Variants in USP6NL observed in about 807,000 individuals in gnomAD.
The protein encoded by USP6NL is USP6 N-terminal like.
USP6NL carries 26 observed loss-of-function variants against 61.9 expected under a neutral mutation model. The ratio of observed to expected loss-of-function variants is 0.42; its 90% CI spans 0.31 to 0.58. The LOEUF (loss-of-function observed/expected upper bound fraction) is 0.58. USP6NL is among the 20% of genes least tolerant of loss of function. The probability of loss-of-function intolerance (pLI) is 0.16; values close to 1 mark genes in which losing one functional copy is unlikely to be tolerated. For missense variants in USP6NL, 1,114 were observed against 1,034.3 expected, an observed-to-expected ratio of 1.08 and a Z score of -1.06; for synonymous variants, 432 against 390.1, an observed-to-expected ratio of 1.11 and a Z score of -1.27.
chr10:11,493,010 C>T lies in USP6NL; in HGVS notation c.494+109G>A, dbSNP rs1043315919. The T allele has an allele frequency of 6.6e-6, 6 of 908,044 alleles. No homozygotes were observed. In the African/African-American group the frequency reaches 6.7e-5, roughly 10 times the overall value. The allele number at this position is 908,044 out of a possible 1,614,324, so 56.2% of individuals were successfully genotyped here. A position where few individuals can be genotyped will look rare whatever the true frequency, so the allele number is the denominator to read the frequency against. On this transcript the variant is annotated intron_variant, in intron 8 of 14. Coordinates refer to ENST00000609104, the MANE Select transcript of USP6NL (RefSeq NM_014688.5). ...CGCAAATGATCTGCAAAAGCTTAAACCTTTAGGACCTAAATCGAAATTACA... is the reference window on the plus strand; with the variant it reads ...CGCAAATGATCTGCAAAAGCTTAAATCTTTAGGACCTAAATCGAAATTACA...
At position 11,460,581 on chromosome 10, in the gene USP6NL, T is replaced by C. The variant is rs138038907; in HGVS notation, c.*1860A>G. The C allele has an allele frequency of 9.0e-4, 132 of 146,916 alleles. No individual in the cohort carries two copies. The highest frequency in any genetic ancestry group is 3.2e-3 in the African/African-American group (130 of 40,300). The allele number at this position is 146,916 out of a possible 1,614,324, so 9.1% of individuals were successfully genotyped here. A position where few individuals can be genotyped will look rare whatever the true frequency, so the allele number is the denominator to read the frequency against. ...GTATACAGATAAAAAATGTCATAAA[T>C]GACATAAGAAAATAGTGCTTGTGTG... On this transcript the variant is annotated 3_prime_UTR_variant, in exon 15 of 15. Coordinates refer to ENST00000609104, the MANE Select transcript of USP6NL (RefSeq NM_014688.5).
In USP6NL at chr10:11,532,758, A is replaced by T. The variant is rs2133424912; in HGVS notation, c.5-5191T>A. Among the ~76,000 whole-genome samples the T allele has an allele frequency of 6.6e-6, 1 of 152,368 alleles. No individual in the cohort carries two copies. Among genetic ancestry groups the T allele is most frequent in the South Asian group, 2.1e-4 (1 of 4,824 alleles). On this transcript the variant is annotated intron_variant, in intron 2 of 14. Transcript: ENST00000609104. The surrounding 1 kb of genome is among the most constrained non-coding windows in gnomAD (Gnocchi z 4.1). ...TTATATCTTAATGTAATTTTTAATAATAATTCTTAATGTGAAAATTGTAGC... is the reference window on the plus strand; with the variant it reads ...TTATATCTTAATGTAATTTTTAATATTAATTCTTAATGTGAAAATTGTAGC...
At chr10:11,578,214 C>T (rs543264513) in intron 2 of USP6NL, among the ~76,000 whole-genome samples, 1 of 152,304 alleles carries the variant, frequency 6.6e-6, no homozygotes, top group Admixed American at 6.5e-5. Context: ...AGCAATCCGC[C>T]CGCCTCAGCC....
chr10:11,527,237 A>C (rs1451047385), intron 3 of USP6NL, among the ~76,000 whole-genome samples: 4 of 152,204 alleles, frequency 2.6e-5, no homozygotes, highest in Non-Finnish European at 4.4e-5. Flanking sequence ...TATCTGGGAC[A>C]CAAGTGTCCC....
intron 6 of USP6NL, among the ~76,000 whole-genome samples, chr10:11,502,480 ATAAT>A (rs1834243293): frequency 6.6e-6 from 1 of 152,222 alleles, no homozygotes; most frequent in Non-Finnish European, 1.5e-5. Context: ...AAACAGGGAA[ATAAT>A]TAAATAAATT....
At chr10:11,571,337 C>T (rs1837353454) in intron 2 of USP6NL, among the ~76,000 whole-genome samples, 1 of 152,108 alleles carries the variant, frequency 6.6e-6, no homozygotes, top group African/African-American at 2.4e-5. Context: ...CCGCCCACCT[C>T]GGCCTCCCAA....
chr10:11,586,918 A>G (rs993073059), intron 2 of USP6NL, among the ~76,000 whole-genome samples: 19 of 152,136 alleles, frequency 1.2e-4, no homozygotes, highest in African/African-American at 3.4e-4. Flanking sequence ...TCTGTTTAGA[A>G]CACTCTCCTC....
At chr10:11,547,248 T>C (rs987165715) in intron 2 of USP6NL, among the ~76,000 whole-genome samples, 1 of 152,216 alleles carries the variant, frequency 6.6e-6, no homozygotes, top group African/African-American at 2.4e-5. Flanking sequence ...TTGGAGCAGG[T>C]TGGAGTGTTC....
Position 11,596,541 on chromosome 10 carries a change from G to A in USP6NL, c.4+1090C>T, listed in dbSNP as rs949326347. Reference sequence around the variant, plus strand: ...CGGGAGGCTGAGGCAGGAGAATGGCGCGAACCCAGGAGGTGGAGCTTGCAG... The same window carrying A: ...CGGGAGGCTGAGGCAGGAGAATGGCACGAACCCAGGAGGTGGAGCTTGCAG... On this transcript the variant is annotated intron_variant, in intron 2 of 14. Transcript: ENST00000609104. This position sits in a 1 kb window ranked among gnomAD's most constrained non-coding sequence, Gnocchi z 4.1. Among the ~76,000 whole-genome samples, 6 of 151,624 alleles carry A rather than the reference G, an allele frequency of 4.0e-5. No homozygotes were observed. Among genetic ancestry groups the A allele is most frequent in the South Asian group, 2.1e-4 (1 of 4,820 alleles).
chr10:11,592,533 C>A lies in USP6NL; in HGVS notation c.4+5098G>T, dbSNP rs1485413395. Among the ~76,000 whole-genome samples, 3 of 152,174 alleles carry A rather than the reference C, an allele frequency of 2.0e-5. No individual in the cohort carries two copies. Among genetic ancestry groups the A allele is most frequent in the Non-Finnish European group, 4.4e-5 (3 of 68,010 alleles). ...TATTCCCAAATCTAAATTTATCAAA[C>A]ATAAATGAGTCTTAATATAACAAAA... On this transcript the variant is annotated intron_variant, in intron 2 of 14. Coordinates refer to ENST00000609104, the MANE Select transcript of USP6NL (RefSeq NM_014688.5). The surrounding 1 kb of genome is among the most constrained non-coding windows in gnomAD (Gnocchi z 4.7).
At chr10:11,527,666 T>G in intron 2 of USP6NL, 99 bp from the exon 3 acceptor site, 1 of 1,050,132 alleles carries the variant, frequency 9.5e-7, no homozygotes. Flanking sequence ...AAATAAATAC[T>G]GCCTAAAATG....
chr10:11,542,433 T>C (rs1836103018), intron 2 of USP6NL, among the ~76,000 whole-genome samples: 1 of 152,152 alleles, frequency 6.6e-6, no homozygotes, highest in Admixed American at 6.5e-5. Flanking sequence ...AATAGCATGG[T>C]AGAGGCTGGG....
Position 11,487,994 on chromosome 10 carries a change from T to TA in USP6NL, c.664+1107dup, listed in dbSNP as rs1833544138. Among the ~76,000 whole-genome samples, 1 of 151,842 alleles carries TA rather than the reference T, an allele frequency of 6.6e-6. No homozygotes were observed. Among genetic ancestry groups the TA allele is most frequent in the Admixed American group, 6.5e-5 (1 of 15,292 alleles). ...GATCCATTCTTAGAATAACTAGTGT[T>TA]AAAATTATTTTAAATTTGATATTAA... is the stretch of plus-strand genomic sequence containing the variant. On this transcript the variant is annotated intron_variant, in intron 10 of 14. Coordinates refer to ENST00000609104, the MANE Select transcript of USP6NL (RefSeq NM_014688.5). This position sits in a 1 kb window ranked among gnomAD's most constrained non-coding sequence, Gnocchi z 4.2.
In USP6NL at chr10:11,589,605, C is replaced by T. The variant is rs1461359086; in HGVS notation, c.4+8026G>A. The stretch of plus-strand genomic sequence containing the variant: ...TTACCTTGCAAGTACTAGAACATAA[C>T]TAGGTTCACCAGTGAAGAGATCAAA... On this transcript the variant is annotated intron_variant, in intron 2 of 14. Coordinates refer to ENST00000609104, the MANE Select transcript of USP6NL (RefSeq NM_014688.5). This position sits in a 1 kb window ranked among gnomAD's most constrained non-coding sequence, Gnocchi z 4.7. Among the ~76,000 whole-genome samples, 1 of 152,150 alleles carries T rather than the reference C, an allele frequency of 6.6e-6. No individual in the cohort carries two copies. Among genetic ancestry groups the T allele is most frequent in the African/African-American group, 2.4e-5 (1 of 41,428 alleles).
At chr10:11,557,291 G>T (rs1836743469) in intron 2 of USP6NL, among the ~76,000 whole-genome samples, 4 of 152,038 alleles carry the variant, frequency 2.6e-5, no homozygotes, top group Admixed American at 2.0e-4. Flanking sequence ...AAGGATTAAG[G>T]AATAGTCATA....
chr10:11,599,833 G>A (rs562377943), intron 1 of USP6NL, among the ~76,000 whole-genome samples: 2 of 146,726 alleles, frequency 1.4e-5, no homozygotes, highest in Non-Finnish European at 3.0e-5. Flanking sequence ...CTAATTTTTT[G>A]TATTTTTCAC....
At chr10:11,545,540 C>T (rs1451977925) in intron 2 of USP6NL, among the ~76,000 whole-genome samples, 20 of 152,218 alleles carry the variant, frequency 1.3e-4, no homozygotes, top group Non-Finnish European at 1.5e-5. Flanking sequence ...AAAGGGTCAG[C>T]ATTTTGCTGA....
Position 11,580,867 on chromosome 10 carries a change from T to TGGATG in USP6NL, c.4+16763_4+16764insCATCC, listed in dbSNP as rs1555173783. ...AATGGATGAATGACGAACGGATAGATGATGGATGGATGGATGGATGGATGG... is the reference window on the plus strand; with the variant it reads ...AATGGATGAATGACGAACGGATAGATGGATGGATGGATGGATGGATGGATGGATGG... On this transcript the variant is annotated intron_variant, in intron 2 of 14. Transcript: ENST00000609104. Among the ~76,000 whole-genome samples, 27 of 149,858 alleles carry TGGATG rather than the reference T, an allele frequency of 1.8e-4. 1 individual carries two copies. In the East Asian group the frequency reaches 3.5e-3, roughly 20 times the overall value.
intron 2 of USP6NL, among the ~76,000 whole-genome samples, chr10:11,543,803 GTTTTTTTTTTTTTT>G (rs781443038): frequency 2.6e-5 from 2 of 76,362 alleles, no homozygotes; most frequent in Non-Finnish European, 5.0e-5. Flanking sequence ...AAATATTTAG[GTTTTTTTTTTTTTT>G]TTTTTTTTTT....
Sources: gnomAD v4.1 joint callset for allele counts (sites outside exome capture counted in the v4.1 genomes callset) on GRCh38, gnomAD v4.1.1 for gene constraint, Gnocchi (gnomAD v3.1) non-coding constraint, MANE v1.5 for transcripts, NCBI Gene and HGNC (gene_info 2026-07-23, HGNC 2026-07-21) for gene names.